Variants in R3HDM2 observed in about 807,000 individuals in gnomAD.
R3HDM2 encodes R3H domain containing 2, also known as R3H domain-containing protein 2.
R3HDM2 carries 38 observed loss-of-function variants against 124.5 expected under a neutral mutation model. The ratio of observed to expected loss-of-function variants is 0.31; its 90% CI spans 0.24 to 0.40. The LOEUF (loss-of-function observed/expected upper bound fraction) is 0.40. Ranked by LOEUF, R3HDM2 falls within the 10% of genes least tolerant of loss-of-function variation. The pLI is 1.00. For missense variants in R3HDM2, 869 were observed against 1,236.9 expected, an observed-to-expected ratio of 0.70 and a Z score of 4.46; for synonymous variants, 391 against 448.0, an observed-to-expected ratio of 0.87 and a Z score of 1.61.
intron 2 of R3HDM2, among the ~76,000 whole-genome samples, chr12:57,315,485 G>A (rs1016071530): frequency 4.6e-5 from 7 of 152,164 alleles, no homozygotes; most frequent in Admixed American, 1.3e-4. Flanking sequence ...CACAGCAGTG[G>A]TTTGTTTCTT....
At chr12:57,373,369 G>A (rs926467775) in intron 2 of R3HDM2, among the ~76,000 whole-genome samples, 15 of 151,812 alleles carry the variant, frequency 9.9e-5, no homozygotes, top group Non-Finnish European at 1.5e-4. Context: ...GCGTGGTGGC[G>A]GGCGCCTGTA....
At chr12:57,256,386 CCCT>C (rs757140778) in intron 22 of R3HDM2, 25 bp downstream of exon 22, 36 of 1,496,604 alleles carry the variant, frequency 2.4e-5, no homozygotes, top group Non-Finnish European at 2.5e-5. Flanking sequence ...GGTCTGATGG[CCCT>C]ACAGTTGCTG....
intron 11 of R3HDM2, among the ~76,000 whole-genome samples, chr12:57,291,392 G>A (rs2048552102): frequency 6.6e-6 from 1 of 151,946 alleles, no homozygotes; most frequent in African/African-American, 2.4e-5. Context: ...AGTGGGTCAT[G>A]CCTATGATCC....
chr12:57,421,648 A>G (rs955073317), intron 1 of R3HDM2, among the ~76,000 whole-genome samples: 3 of 151,470 alleles, frequency 2.0e-5, no homozygotes, highest in Non-Finnish European at 2.9e-5. Context: ...CTGGGACTAT[A>G]GGTGTGTGCC....
intron 1 of R3HDM2, among the ~76,000 whole-genome samples, chr12:57,415,580 GAAA>G (rs60093547): frequency 2.2e-3 from 320 of 144,656 alleles, no homozygotes; most frequent in Middle Eastern, 3.6e-3. Flanking sequence ...GCCAGGGGTG[GAAA>G]AAAAAAAAAA....
At chr12:57,298,275 A>C (rs2050330644) in intron 6 of R3HDM2, 107 bp from the exon 7 acceptor site, 1 of 860,780 alleles carries the variant, frequency 1.2e-6, no homozygotes, top group East Asian at 2.7e-5. Flanking sequence ...AGAATAGGAA[A>C]GCAAAATCAA....
chr12:57,413,516 G>A lies in R3HDM2; in HGVS notation c.-106+17204C>T, dbSNP rs552697269. Among the ~76,000 whole-genome samples the A allele has an allele frequency of 6.6e-5, 10 of 150,600 alleles. No individual in the cohort carries two copies. In the East Asian group the frequency reaches 1.2e-3, roughly 18 times the overall value. On this transcript the variant is annotated intron_variant, in intron 1 of 23. Coordinates refer to ENST00000402412, the MANE Select transcript of R3HDM2 (RefSeq NM_001394031.1). The stretch of plus-strand genomic sequence containing the variant: ...TTTGGGAGGCGGAGGCGGGCAGATC[G>A]CTTGAAGTCAGGAGATCAAGACCAG...
rs200491935 is a variant in R3HDM2, at chr12:57,258,979, T to C, written c.2212A>G (p.Met738Val). The change falls in exon 20 of 24, where the codon ATG (methionine) becomes GTG (valine). Residue 738 changes from methionine to valine, a missense_variant. By Grantham distance (21) the Met-to-Val change is conservative (BLOSUM62 1). This residue lies in a region of R3HDM2 where 602 missense variants were observed against 789.2 expected (regional missense o/e 0.76). Coordinates refer to ENST00000402412, the MANE Select transcript of R3HDM2 (RefSeq NM_001394031.1). ...NGPQPPQNPS[M>V]VQWSHCKYYS... ...TATTTACAATGACTCCACTGGACCATGGATGGGTTCTGAGGGGGCTGGGGT... is the reference window on the plus strand; with the variant it reads ...TATTTACAATGACTCCACTGGACCACGGATGGGTTCTGAGGGGGCTGGGGT... 29 of 1,613,068 alleles carry C rather than the reference T, an allele frequency of 1.8e-5. No homozygotes were observed. Among genetic ancestry groups the C allele is most frequent in the Non-Finnish European group, 2.4e-5 (28 of 1,179,966 alleles).
Position 57,289,738 on chromosome 12 carries a change from G to A in R3HDM2, c.907-698C>T, listed in dbSNP as rs531410480. Among the ~76,000 whole-genome samples the A allele has an allele frequency of 5.3e-5, 8 of 152,376 alleles. No homozygotes were observed. In the South Asian group the frequency reaches 1.7e-3, roughly 32 times the overall value. On this transcript the variant is annotated intron_variant, in intron 11 of 23. Transcript: ENST00000402412. ...CAGAGTGAGCTCCATGCAGAGCAGA[G>A]CCTATGCTGGGCAGCTTTTCCAATA...
At chr12:57,299,065 A>G (rs1053022687) in intron 6 of R3HDM2, among the ~76,000 whole-genome samples, 1 of 152,270 alleles carries the variant, frequency 6.6e-6, no homozygotes. Context: ...CCCAATGATT[A>G]TCAATGTTAC....
At position 57,395,825 on chromosome 12, in the gene R3HDM2, G is replaced by T. The variant is rs1448484146; in HGVS notation, c.-105-7C>A. ...TAAGAAACAAGTCTAACCTCTGGGG[G>T]AGGAGGGGGAAAAAAAAAAACAAGT... On this transcript the variant is annotated splice_polypyrimidine_tract_variant and splice_region_variant and intron_variant, in intron 1 of 23. Transcript: ENST00000402412. 6.4e-5 allele frequency: 63 copies of T among 982,702 alleles called. No individual in the cohort carries two copies. The highest frequency in any genetic ancestry group is 7.6e-5 in the Non-Finnish European group (63 of 827,888). 60.9% of individuals were successfully genotyped at this position (982,702 alleles called of 1,614,324 possible). A position where few individuals can be genotyped will look rare whatever the true frequency, so the allele number is the denominator to read the frequency against.
chr12:57,394,925 T>C (rs1319410341), intron 2 of R3HDM2, among the ~76,000 whole-genome samples: 1 of 152,210 alleles, frequency 6.6e-6, no homozygotes, highest in East Asian at 1.9e-4. Flanking sequence ...TAAAAAATTA[T>C]AAGGCTGGGC....
intron 2 of R3HDM2, among the ~76,000 whole-genome samples, chr12:57,351,747 T>C (rs753086394): frequency 8.5e-5 from 13 of 152,142 alleles, no homozygotes; most frequent in Non-Finnish European, 1.6e-4. Context: ...ACTAACACAC[T>C]GTGTGATTTG....
intron 2 of R3HDM2, among the ~76,000 whole-genome samples, chr12:57,383,906 C>CAAGT (rs2065283689): frequency 1.3e-5 from 2 of 152,154 alleles, no homozygotes; most frequent in South Asian, 2.1e-4. Flanking sequence ...AATTCCCTGA[C>CAAGT]AAACAAGTAA....
chr12:57,424,988 T>C (rs758025803), intron 1 of R3HDM2, among the ~76,000 whole-genome samples: 9 of 152,214 alleles, frequency 5.9e-5, no homozygotes, highest in Non-Finnish European at 1.0e-4. Context: ...AAAGAAATTA[T>C]TCAGTCAGGT....
At chr12:57,374,945 G>A (rs1004024662) in intron 2 of R3HDM2, among the ~76,000 whole-genome samples, 34 of 149,176 alleles carry the variant, frequency 2.3e-4, no homozygotes, top group African/African-American at 7.6e-4. Context: ...GCAGTGAGCC[G>A]AGATCATGCC....
At chr12:57,276,425 A>G (rs1342430077) in intron 14 of R3HDM2, among the ~76,000 whole-genome samples, 2 of 152,240 alleles carry the variant, frequency 1.3e-5, no homozygotes, top group East Asian at 1.9e-4. Flanking sequence ...ATATACACAC[A>G]ATGGAATACT....
Position 57,280,529 on chromosome 12 carries a change from ACCT to A in R3HDM2, c.1172-2_1172del. The A allele has an allele frequency of 1.3e-6, 2 of 1,590,492 alleles. No individual in the cohort carries two copies. Among genetic ancestry groups the A allele is most frequent in the Middle Eastern group, 1.7e-4 (1 of 5,926 alleles). Reference sequence around the variant, plus strand: ...ACACTTCTGGGGCACCTAGTGCCATACCTAAGGCAAAGAAGAAACCCACAAAAA... The same window carrying A: ...ACACTTCTGGGGCACCTAGTGCCATAAAGGCAAAGAAGAAACCCACAAAAA... On this transcript the variant is annotated splice_acceptor_variant and coding_sequence_variant, in exon 14 of 24. Coordinates refer to ENST00000402412, the MANE Select transcript of R3HDM2 (RefSeq NM_001394031.1). LOFTEE classifies it high-confidence loss of function.
At chr12:57,339,936 A>C (rs1223358925) in intron 2 of R3HDM2, among the ~76,000 whole-genome samples, 1 of 152,202 alleles carries the variant, frequency 6.6e-6, no homozygotes, top group African/African-American at 2.4e-5. Context: ...AAAACAAAAA[A>C]CAAAAAAAGT....
Sources: allele counts gnomAD v4.1 joint callset (sites outside exome capture counted in the v4.1 genomes callset), GRCh38; gene constraint gnomAD v4.1.1; regional missense constraint gnomAD v4.1.1; transcripts MANE v1.5; gene names NCBI Gene and HGNC (gene_info 2026-07-23, HGNC 2026-07-21).